Variants in ERC2 observed in about 807,000 individuals in gnomAD.
ERC2 encodes ERC protein 2.
A neutral mutation model predicts 114.8 loss-of-function variants in ERC2; 42 were observed. The observed-to-expected ratio is 0.37, with a 90% CI of 0.29 to 0.47. The LOEUF is 0.47. Among genes scored for constraint, ERC2 ranks in the 20% least tolerant of loss-of-function variants. The probability of loss-of-function intolerance (pLI) is 0.99; values close to 1 mark genes in which losing one functional copy is unlikely to be tolerated. For synonymous variants in ERC2, 454 were observed against 425.5 expected (o/e 1.07, Z -0.82); for missense variants, 939 against 1,150.7 (o/e 0.82, Z 2.66).
intron 17 of ERC2, among the ~76,000 whole-genome samples, chr3:55,561,887 C>T (rs1403725240): frequency 3.9e-5 from 6 of 152,088 alleles, no homozygotes; most frequent in Non-Finnish European, 8.8e-5. Flanking sequence ...TGAGAGTCTG[C>T]CCTGAATTTT....
intron 3 of ERC2, among the ~76,000 whole-genome samples, chr3:56,180,410 C>A (rs1223366443): frequency 6.6e-6 from 1 of 152,158 alleles, no homozygotes; most frequent in Non-Finnish European, 1.5e-5. Flanking sequence ...AAGGTAGAAG[C>A]AACCCAAATG....
At chr3:56,384,964 G>T (rs1318105536) in intron 2 of ERC2, among the ~76,000 whole-genome samples, 1 of 152,024 alleles carries the variant, frequency 6.6e-6, no homozygotes, top group Non-Finnish European at 1.5e-5. Flanking sequence ...AATGGTCTTA[G>T]CACCTCTGTC....
At chr3:56,375,139 T>G (rs893793109) in intron 2 of ERC2, among the ~76,000 whole-genome samples, 3 of 152,160 alleles carry the variant, frequency 2.0e-5, no homozygotes, top group Non-Finnish European at 4.4e-5. Flanking sequence ...CATAGTAATC[T>G]CTCCCCAAAA....
At chr3:56,218,200 G>A (rs1484808959) in intron 3 of ERC2, among the ~76,000 whole-genome samples, 2 of 152,108 alleles carry the variant, frequency 1.3e-5, no homozygotes, top group Admixed American at 1.3e-4. Context: ...GAGTGAACAG[G>A]CAACCTACAG....
intron 15 of ERC2, among the ~76,000 whole-genome samples, chr3:55,708,242 C>A (rs1272584530): frequency 1.3e-5 from 2 of 152,192 alleles, no homozygotes; most frequent in Non-Finnish European, 2.9e-5. Flanking sequence ...TCCACACTAG[C>A]GTTTAATGCT....
chr3:56,070,841 T>C (rs1192092338), intron 7 of ERC2, among the ~76,000 whole-genome samples: 1 of 152,178 alleles, frequency 6.6e-6, no homozygotes, highest in Non-Finnish European at 1.5e-5. Flanking sequence ...TACTTCTAAT[T>C]CCACCAAATG....
intron 6 of ERC2, among the ~76,000 whole-genome samples, chr3:56,096,601 T>C (rs1160829758): frequency 1.3e-5 from 2 of 152,236 alleles, no homozygotes; most frequent in Non-Finnish European, 2.9e-5. Context: ...GTAGGTATTA[T>C]TTAGAAGTAA....
intron 17 of ERC2, among the ~76,000 whole-genome samples, chr3:55,648,991 A>G (rs891464063): frequency 6.6e-6 from 1 of 152,178 alleles, no homozygotes; most frequent in Non-Finnish European, 1.5e-5. Flanking sequence ...GGGCAGGGAC[A>G]TGAATGAAGA....
intron 12 of ERC2, among the ~76,000 whole-genome samples, chr3:55,968,687 G>C (rs1472563640): frequency 6.6e-6 from 1 of 152,106 alleles, no homozygotes; most frequent in Non-Finnish European, 1.5e-5. Flanking sequence ...TGATACTACT[G>C]ACTCTCCTCT....
rs555625806 is a variant in ERC2 at position 55,770,600 on chromosome 3, A to T, written c.2565-35682T>A. ...TGGTTGCAATTTATCATCACTGTTA[A>T]ACTGTTGGTTTTTAATTTTTTAATT... is the stretch of plus-strand genomic sequence containing the variant. On this transcript the variant is annotated intron_variant, in intron 14 of 17. Coordinates refer to ENST00000288221, the MANE Select transcript of ERC2 (RefSeq NM_015576.3). Among the ~76,000 whole-genome samples the T allele has an allele frequency of 3.3e-5, 5 of 152,162 alleles. No homozygotes were observed. In the South Asian group the frequency reaches 1.0e-3, roughly 32 times the overall value.
chr3:56,122,614 G>C (rs1371657780), intron 6 of ERC2, among the ~76,000 whole-genome samples: 1 of 152,122 alleles, frequency 6.6e-6, no homozygotes, highest in Non-Finnish European at 1.5e-5. Flanking sequence ...GGTGAGTAGA[G>C]ACATATTCAG....
At chr3:56,114,048 A>G (rs2149837117) in intron 6 of ERC2, among the ~76,000 whole-genome samples, 1 of 152,280 alleles carries the variant, frequency 6.6e-6, no homozygotes, top group African/African-American at 2.4e-5. Context: ...CAAGCACTTC[A>G]AGGGAGGACA....
At position 55,673,476 on chromosome 3, in the gene ERC2, G is replaced by T. The variant is rs533928805; in HGVS notation, c.*39+10318C>A. The stretch of plus-strand genomic sequence containing the variant: ...CGCACGCCTGTACTCCCAGCTACTC[G>T]GGAGGCTGAGGCAGGAGAATCACTT... On this transcript the variant is annotated intron_variant, in intron 17 of 17. Coordinates refer to ENST00000288221, the MANE Select transcript of ERC2 (RefSeq NM_015576.3). Among the ~76,000 whole-genome samples the T allele has an allele frequency of 2.6e-5, 4 of 152,254 alleles. No individual in the cohort carries two copies. The South Asian group carries it at 8.3e-4, about 32-fold the overall frequency.
At chr3:55,934,796 T>C (rs1381373530) in intron 13 of ERC2, among the ~76,000 whole-genome samples, 1 of 152,250 alleles carries the variant, frequency 6.6e-6, no homozygotes, top group African/African-American at 2.4e-5. Flanking sequence ...TGATTACAAA[T>C]GACTTTGAAT....
Position 56,434,750 on chromosome 3 carries a change from T to C in ERC2, c.258A>G (p.Thr86=). ...PKGTMTLGRA[T]NRAVYGGRVT... ...CACGGCCTCCATATACAGCTCGATT[T>C]GTAGCCCTTCCCAGAGTCATAGTGC... The change falls in exon 2 of 18, where the codon ACA becomes ACG. Residue 86 remains threonine (T), a synonymous_variant. Coordinates refer to ENST00000288221, the MANE Select transcript of ERC2 (RefSeq NM_015576.3). 1 of 1,614,010 alleles carries C rather than the reference T, an allele frequency of 6.2e-7. No homozygotes were observed. Among genetic ancestry groups the C allele is most frequent in the Non-Finnish European group, 8.5e-7 (1 of 1,179,888 alleles).
chr3:56,287,431 G>A (rs550826516), intron 3 of ERC2, among the ~76,000 whole-genome samples: 12 of 152,256 alleles, frequency 7.9e-5, no homozygotes, highest in South Asian at 2.1e-4. Flanking sequence ...GGAGGGCCAG[G>A]TGCTTTCATT....
In ERC2 at chr3:55,849,291, AG is replaced by A. The variant is rs2061482781; in HGVS notation, c.2564+39097del. The stretch of plus-strand genomic sequence containing the variant: ...TGGAGCTGGACTGATCTGGACATGT[AG>A]GAAGTGCTGACTCCTAAAATCCATT... On this transcript the variant is annotated intron_variant, in intron 14 of 17. Coordinates refer to ENST00000288221, the MANE Select transcript of ERC2 (RefSeq NM_015576.3). Among the ~76,000 whole-genome samples, 3 of 152,276 alleles carry A rather than the reference AG, an allele frequency of 2.0e-5. No individual in the cohort carries two copies. The South Asian group carries it at 6.2e-4, about 32-fold the overall frequency.
chr3:55,864,172 T>TATATATATACAC (rs1559783292), intron 14 of ERC2, among the ~76,000 whole-genome samples: 20 of 113,482 alleles, frequency 1.8e-4, no homozygotes, highest in East Asian at 6.5e-4. Flanking sequence ...TATATACACA[T>TATATATATACAC]ATATATATAC....
At chr3:56,243,024 T>C (rs1047097818) in intron 3 of ERC2, among the ~76,000 whole-genome samples, 5 of 152,206 alleles carry the variant, frequency 3.3e-5, no homozygotes, top group Non-Finnish European at 7.3e-5. Flanking sequence ...TTTTTGTAAG[T>C]TAATATTTAG....
Sources: allele counts gnomAD v4.1 joint callset (sites outside exome capture counted in the v4.1 genomes callset), GRCh38; gene constraint gnomAD v4.1.1; transcripts MANE v1.5; gene names NCBI Gene and HGNC (gene_info 2026-07-23, HGNC 2026-07-21).